Variants in MYO5B observed in about 807,000 individuals in gnomAD.
The protein encoded by MYO5B is unconventional myosin-Vb.
Under a neutral mutation model 229.3 loss-of-function variants are expected in MYO5B, and 143 were observed. That is an observed-to-expected ratio of 0.62 (90% CI 0.54 to 0.72). The LOEUF (loss-of-function observed/expected upper bound fraction) is 0.72, where lower values mean the gene tolerates loss of function less well. Among genes scored for constraint, MYO5B ranks in the 30% least tolerant of loss-of-function variants. The pLI is 0.00. For synonymous variants in MYO5B, 918 were observed against 885.2 expected (o/e 1.04, Z -0.66); for missense variants, 2,321 against 2,331.0 (o/e 1.00, Z 0.09).
intron 2 of MYO5B, among the ~76,000 whole-genome samples, chr18:50,046,586 T>C (rs1231875731): frequency 1.3e-5 from 2 of 152,154 alleles, no homozygotes; most frequent in Non-Finnish European, 2.9e-5. Flanking sequence ...AAAACAATGT[T>C]AAGGAAACTC....
chr18:49,906,130 G>A (rs2024895942), intron 19 of MYO5B, among the ~76,000 whole-genome samples: 1 of 152,156 alleles, frequency 6.6e-6, no homozygotes, highest in African/African-American at 2.4e-5. Context: ...TGGGGTTCAG[G>A]CAAAGGGGAA....
At chr18:50,120,571 T>C (rs2032041837) in intron 1 of MYO5B, among the ~76,000 whole-genome samples, 1 of 152,032 alleles carries the variant, frequency 6.6e-6, no homozygotes, top group South Asian at 2.1e-4. Flanking sequence ...TCCCCCAGGG[T>C]GGTATGCAGA....
intron 1 of MYO5B, among the ~76,000 whole-genome samples, chr18:50,064,934 C>T (rs1039684718): frequency 2.0e-5 from 3 of 152,210 alleles, no homozygotes; most frequent in Non-Finnish European, 4.4e-5. Flanking sequence ...AGGAGCACCA[C>T]TCTTTCTTAA....
intron 1 of MYO5B, among the ~76,000 whole-genome samples, chr18:50,127,773 T>G (rs114028984): frequency 0.016 from 2,420 of 152,316 alleles, 60 homozygotes; most frequent in African/African-American, 0.055. Context: ...ATGAAGCTGT[T>G]TCTAGATGAG....
chr18:50,089,575 CAAAAA>C (rs570849955), intron 1 of MYO5B, among the ~76,000 whole-genome samples: 1 of 123,972 alleles, frequency 8.1e-6, no homozygotes, highest in Non-Finnish European at 1.8e-5. Flanking sequence ...TCATCTCTAC[CAAAAA>C]AAAAAAAAAA....
At chr18:50,020,343 C>G (rs2026260642) in intron 4 of MYO5B, among the ~76,000 whole-genome samples, 1 of 152,222 alleles carries the variant, frequency 6.6e-6, no homozygotes, top group Non-Finnish European at 1.5e-5. Flanking sequence ...GGAACAGTCC[C>G]TCAACTTCCC....
chr18:49,886,640 A>AAGG (rs1555797046), intron 22 of MYO5B, among the ~76,000 whole-genome samples: 1 of 151,744 alleles, frequency 6.6e-6, no homozygotes, highest in East Asian at 1.9e-4. Flanking sequence ...TTATTTTGCC[A>AAGG]AATAACATTT....
At chr18:50,111,176 C>G (rs1053583620) in intron 1 of MYO5B, among the ~76,000 whole-genome samples, 1 of 152,162 alleles carries the variant, frequency 6.6e-6, no homozygotes, top group African/African-American at 2.4e-5. Context: ...GCTGTGTCAA[C>G]TCAGTAATGT....
At chr18:50,124,526 A>AAAGAG (rs55967680) in intron 1 of MYO5B, among the ~76,000 whole-genome samples, 124,191 of 151,578 alleles carry the variant, frequency 0.82, 51,188 homozygotes, top group Admixed American at 0.87. Context: ...AGTGAATGTT[A>AAAGAG]AAAAGAAAAA....
chr18:50,104,206 C>T (rs2144506868), intron 1 of MYO5B, among the ~76,000 whole-genome samples: 1 of 138,170 alleles, frequency 7.2e-6, no homozygotes, highest in Admixed American at 7.4e-5. Context: ...GCGAGGAGGA[C>T]ATTAACAACT....
intron 1 of MYO5B, among the ~76,000 whole-genome samples, chr18:50,086,034 G>A (rs1219845899): frequency 6.6e-6 from 1 of 151,882 alleles, no homozygotes; most frequent in Non-Finnish European, 1.5e-5. Context: ...CCTGCACATT[G>A]TGCACATGTA....
chr18:50,112,670 A>T (rs1157984333), intron 1 of MYO5B, among the ~76,000 whole-genome samples: 1 of 152,194 alleles, frequency 6.6e-6, no homozygotes, highest in African/African-American at 2.4e-5. Flanking sequence ...CACTATATTA[A>T]GTCACTCCCT....
rs1002532999 is a variant in MYO5B at position 49,867,108 on chromosome 18, C to T, written c.3604-2728G>A. 3.7e-4 allele frequency among the ~76,000 whole-genome samples: 56 copies of T among 152,120 alleles called. 1 individual carries two copies. Among genetic ancestry groups the T allele is most frequent in the African/African-American group, 1.3e-3 (55 of 41,422 alleles). On this transcript the variant is annotated intron_variant, in intron 27 of 39. Transcript: ENST00000285039. Reference sequence around the variant, plus strand: ...ATCCAGGAAAAAGCAGTGAGCTGGTCATCGCAGAGCTTCAGAAGGGTTTCC... The same window carrying T: ...ATCCAGGAAAAAGCAGTGAGCTGGTTATCGCAGAGCTTCAGAAGGGTTTCC...
intron 36 of MYO5B, 100 bp downstream of exon 36, chr18:49,839,044 C>G: frequency 6.8e-7 from 1 of 1,474,194 alleles, no homozygotes; most frequent in Non-Finnish European, 9.4e-7. Context: ...GAGGTCATGG[C>G]TAAGATATCT....
At chr18:49,924,898 C>T (rs181304207) in intron 17 of MYO5B, among the ~76,000 whole-genome samples, 1 of 152,234 alleles carries the variant, frequency 6.6e-6, no homozygotes, top group Admixed American at 6.5e-5. Flanking sequence ...CCACAAATTG[C>T]CCTCTCCCAT....
chr18:50,148,889 A>G (rs2032548724), intron 1 of MYO5B, among the ~76,000 whole-genome samples: 1 of 152,250 alleles, frequency 6.6e-6, no homozygotes, highest in African/African-American at 2.4e-5. Context: ...AGAGGAAGTC[A>G]AATTGTCCCT....
intron 21 of MYO5B, among the ~76,000 whole-genome samples, chr18:49,900,907 A>T (rs2024833455): frequency 6.6e-6 from 1 of 151,780 alleles, no homozygotes; most frequent in Admixed American, 6.6e-5. Flanking sequence ...GGGTTAAAAA[A>T]CCCGCAATGC....
At chr18:49,992,784 G>A (rs1278140021) in intron 5 of MYO5B, among the ~76,000 whole-genome samples, 2 of 152,114 alleles carry the variant, frequency 1.3e-5, no homozygotes, top group African/African-American at 4.8e-5. Flanking sequence ...TTGGAACCAT[G>A]AGGAAAAGGC....
chr18:49,871,424 GA>G (rs1272057137), intron 27 of MYO5B: 2 of 154,366 alleles, frequency 1.3e-5, no homozygotes, highest in African/African-American at 4.8e-5. Flanking sequence ...GGTTAATTAT[GA>G]TGGTAAATTT....
Sources: allele counts gnomAD v4.1 joint callset (sites outside exome capture counted in the v4.1 genomes callset), GRCh38; gene constraint gnomAD v4.1.1; transcripts MANE v1.5; gene names NCBI Gene and HGNC (gene_info 2026-07-23, HGNC 2026-07-21).